STXBP5L: variants seen among roughly 807,000 people sequenced by gnomAD.
STXBP5L encodes syntaxin binding protein 5L.
STXBP5L carries 65 observed loss-of-function variants against 144.5 expected under a neutral mutation model. That is an observed-to-expected ratio of 0.45 (90% CI 0.37 to 0.55). The LOEUF (loss-of-function observed/expected upper bound fraction) is 0.55, where lower values mean the gene tolerates loss of function less well. STXBP5L is among the 20% of genes least tolerant of loss of function. The pLI is 0.00. For missense variants in STXBP5L, 1,298 were observed against 1,405.5 expected (o/e 0.92, Z 1.22); for synonymous variants, 505 against 469.6 (o/e 1.08, Z -0.97).
chr3:121,034,277 C>G (rs940329555), intron 3 of STXBP5L, among the ~76,000 whole-genome samples: 1 of 151,956 alleles, frequency 6.6e-6, no homozygotes, highest in African/African-American at 2.4e-5. Flanking sequence ...ATTTCTCATC[C>G]CTCATCCTCC....
intron 7 of STXBP5L, among the ~76,000 whole-genome samples, chr3:121,124,478 T>G (rs559680893): frequency 6.6e-6 from 1 of 152,114 alleles, no homozygotes; most frequent in Non-Finnish European, 1.5e-5. Flanking sequence ...ACTATAAATT[T>G]TTTTATAAAA....
chr3:120,954,496 A>C (rs1437461348), intron 2 of STXBP5L, among the ~76,000 whole-genome samples: 1 of 151,924 alleles, frequency 6.6e-6, no homozygotes, highest in Non-Finnish European at 1.5e-5. Flanking sequence ...TGTGTCTTTT[A>C]ATTGTTTAGT....
intron 7 of STXBP5L, among the ~76,000 whole-genome samples, chr3:121,133,784 A>G (rs1183236205): frequency 6.6e-6 from 1 of 152,182 alleles, no homozygotes; most frequent in Non-Finnish European, 1.5e-5. Flanking sequence ...AGGCCTTAAG[A>G]AACTTACAAT....
At chr3:121,004,359 A>G (rs1028779582) in intron 3 of STXBP5L, among the ~76,000 whole-genome samples, 13 of 151,962 alleles carry the variant, frequency 8.6e-5, no homozygotes, top group African/African-American at 3.1e-4. Flanking sequence ...TTTGTCTGTT[A>G]TTGGTGTATA....
At chr3:121,257,414 T>G in intron 17 of STXBP5L, 81 bp downstream of exon 17, 1 of 1,302,856 alleles carries the variant, frequency 7.7e-7, no homozygotes, top group Non-Finnish European at 1.1e-6. Context: ...AAATTAATTT[T>G]CTCTTATTAT....
chr3:120,972,663 C>T (rs1478686517), intron 3 of STXBP5L, among the ~76,000 whole-genome samples: 1 of 152,032 alleles, frequency 6.6e-6, no homozygotes. Context: ...AGGGGGAATG[C>T]TTTCAACTCT....
intron 20 of STXBP5L, among the ~76,000 whole-genome samples, chr3:121,372,608 T>C (rs1355970003): frequency 6.6e-6 from 1 of 152,142 alleles, no homozygotes; most frequent in Non-Finnish European, 1.5e-5. Flanking sequence ...CAAGTCGTGG[T>C]GTGTGGTAGC....
intron 23 of STXBP5L, among the ~76,000 whole-genome samples, chr3:121,412,724 C>T (rs1408415511): frequency 8.7e-6 from 1 of 114,816 alleles, no homozygotes; most frequent in African/African-American, 3.6e-5. Context: ...TTGTTTCTCC[C>T]TCCAAAAAAA....
chr3:121,133,949 T>A (rs1023262561), intron 7 of STXBP5L, among the ~76,000 whole-genome samples: 16 of 152,192 alleles, frequency 1.1e-4, no homozygotes, highest in African/African-American at 3.9e-4. Context: ...TCCAGTCACC[T>A]GCCACCAGTT....
At chr3:121,400,626 C>T (rs1274142479) in intron 22 of STXBP5L, among the ~76,000 whole-genome samples, 1 of 152,132 alleles carries the variant, frequency 6.6e-6, no homozygotes, top group African/African-American at 2.4e-5. Flanking sequence ...TGTGGTGAGA[C>T]CCTCAGATGC....
intron 3 of STXBP5L, among the ~76,000 whole-genome samples, chr3:121,003,756 C>G (rs2951515): frequency 0.37 from 56,976 of 151,958 alleles, 10,878 homozygotes; most frequent in Non-Finnish European, 0.4. Context: ...GATCCAGTTT[C>G]AGCTTTCTAC....
At chr3:121,415,045 C>A (rs563456414) in intron 24 of STXBP5L, among the ~76,000 whole-genome samples, 28 of 152,076 alleles carry the variant, frequency 1.8e-4, no homozygotes, top group Non-Finnish European at 3.4e-4. Context: ...GGAGGAAGAG[C>A]ACAGGTCTCA....
At chr3:120,924,053 C>T (rs535543314) in intron 2 of STXBP5L, among the ~76,000 whole-genome samples, 2 of 152,116 alleles carry the variant, frequency 1.3e-5, no homozygotes, top group Non-Finnish European at 1.5e-5. Context: ...GTTTCTCCTA[C>T]GTCCCTATCT....
chr3:120,980,808 T>G (rs894785524), intron 3 of STXBP5L, among the ~76,000 whole-genome samples: 1 of 152,300 alleles, frequency 6.6e-6, no homozygotes, highest in East Asian at 1.9e-4. Flanking sequence ...GTTCTATAAG[T>G]TTTTTATATT....
intron 3 of STXBP5L, among the ~76,000 whole-genome samples, chr3:120,984,521 T>C (rs893115935): frequency 5.3e-5 from 8 of 152,048 alleles, no homozygotes; most frequent in Admixed American, 4.6e-4. Flanking sequence ...GGGATTTTTT[T>C]TTTGGTGGGG....
intron 6 of STXBP5L, among the ~76,000 whole-genome samples, chr3:121,119,252 A>C (rs2044356606): frequency 6.6e-6 from 1 of 151,440 alleles, no homozygotes; most frequent in Non-Finnish European, 1.5e-5. Context: ...TCAACTGCAA[A>C]TGAGTAGTAA....
rs72968838 is a variant in STXBP5L at position 121,045,556 on chromosome 3, C to A, written c.470+21C>A. On this transcript the variant is annotated intron_variant, in intron 5 of 26. Transcript: ENST00000471454. ...GAACGGTAAGAACCTATGAATTAAA[C>A]AATTTCTTAATGTACAACAAAATTA... is the stretch of plus-strand genomic sequence containing the variant. The A allele has an allele frequency of 4.7e-4, 754 of 1,589,640 alleles. 3 individuals are homozygous for A. The African/African-American group carries it at 8.8e-3, about 19-fold the overall frequency.
intron 3 of STXBP5L, 81 bp from the exon 4 acceptor site, chr3:121,041,619 G>A: frequency 2.9e-6 from 3 of 1,050,408 alleles, no homozygotes; most frequent in Middle Eastern, 2.1e-4. Context: ...CAAAACATCT[G>A]TTGATCAATA....
chr3:120,982,925 G>C (rs1456971880), intron 3 of STXBP5L, among the ~76,000 whole-genome samples: 1 of 152,206 alleles, frequency 6.6e-6, no homozygotes, highest in Admixed American at 6.5e-5. Flanking sequence ...GGTGCTGCCT[G>C]TGATAGGGAG....
Sources: gnomAD v4.1 joint callset for allele counts (sites outside exome capture counted in the v4.1 genomes callset) on GRCh38, gnomAD v4.1.1 for gene constraint, MANE v1.5 for transcripts, NCBI Gene and HGNC (gene_info 2026-07-23, HGNC 2026-07-21) for gene names.